Variants in IL1RAPL1 observed in about 807,000 individuals in gnomAD.
IL1RAPL1 encodes the protein interleukin 1 receptor accessory protein like 1, also known as interleukin-1 receptor accessory protein-like 1.
A neutral mutation model predicts 48.4 loss-of-function variants in IL1RAPL1; 3 were observed. The ratio of observed to expected loss-of-function variants is 0.06; its 90% CI spans 0.03 to 0.16. IL1RAPL1 has a LOEUF of 0.16. Among genes scored for constraint, IL1RAPL1 ranks in the 10% least tolerant of loss-of-function variants. The pLI, the probability that IL1RAPL1 is intolerant of heterozygous loss-of-function variation, is 1.00. For synonymous variants in IL1RAPL1, 185 were observed against 187.7 expected (o/e 0.99, Z 0.12); for missense variants, 349 against 530.6 (o/e 0.66, Z 3.36).
At chrX:28,763,155 T>A (rs917611873) in intron 1 of IL1RAPL1, among the ~76,000 whole-genome samples, 3 of 111,206 alleles carry the variant, frequency 2.7e-5, no homozygotes. Context: ...AGCAGTTATG[T>A]GGCCAGGGGC....
At chrX:28,653,567 A>T (rs1934713112) in intron 1 of IL1RAPL1, among the ~76,000 whole-genome samples, 2 of 111,646 alleles carry the variant, frequency 1.8e-5, no homozygotes, top group African/African-American at 3.3e-5. Flanking sequence ...AGGCTGAGAT[A>T]TATGTATGTA....
intron 6 of IL1RAPL1, among the ~76,000 whole-genome samples, chrX:29,805,442 T>G (rs1055589293): frequency 2.7e-5 from 3 of 109,979 alleles, no homozygotes; most frequent in Admixed American, 1.9e-4. Context: ...CACTCCAGTT[T>G]GGAATCTGTC....
chrX:29,396,627 AAT>A (rs1405047004), intron 4 of IL1RAPL1, among the ~76,000 whole-genome samples, 183 bp downstream of exon 4: 1 of 112,223 alleles, frequency 8.9e-6, no homozygotes, highest in African/African-American at 3.2e-5. Flanking sequence ...AATTCTAGTC[AAT>A]GTTTGTATTG....
intron 3 of IL1RAPL1, among the ~76,000 whole-genome samples, chrX:29,306,530 G>GAAA (rs1166748708): frequency 5.1e-4 from 17 of 33,438 alleles, no homozygotes; most frequent in East Asian, 1.7e-3. Context: ...TCTGTCAAAA[G>GAAA]AAAAAAAAAA....
chrX:29,080,231 T>G (rs1927770761), intron 2 of IL1RAPL1, among the ~76,000 whole-genome samples: 1 of 108,642 alleles, frequency 9.2e-6, no homozygotes, highest in African/African-American at 3.4e-5. Context: ...TACAAAAAAT[T>G]AGTTGACCGT....
At chrX:29,835,440 A>G (rs900113032) in intron 6 of IL1RAPL1, among the ~76,000 whole-genome samples, 28 of 111,685 alleles carry the variant, frequency 2.5e-4, no homozygotes, top group South Asian at 1.1e-3. Flanking sequence ...TTTTGCACCT[A>G]TGTTTCTTGA....
rs770130223 is a variant in IL1RAPL1, at chrX:29,712,291, T to TA, written c.778+43795dup. 5.7e-4 allele frequency among the ~76,000 whole-genome samples: 63 copies of TA among 110,038 alleles called. 2 individuals are homozygous for TA. In the South Asian group the frequency reaches 0.022, roughly 38 times the overall value. ...ATCAGAAAATTTTCACTCAAATGAA[T>TA]AAAAAAAAGAATGACAATGAATTGA... On this transcript the variant is annotated intron_variant, in intron 6 of 10. Coordinates refer to ENST00000378993, the MANE Select transcript of IL1RAPL1 (RefSeq NM_014271.4).
intron 2 of IL1RAPL1, among the ~76,000 whole-genome samples, chrX:29,145,902 C>G (rs889628567): frequency 8.9e-6 from 1 of 111,996 alleles, no homozygotes; most frequent in Non-Finnish European, 1.9e-5. Context: ...CCAACGCTAG[C>G]ATCCTGGTCA....
At chrX:28,647,373 C>T (rs1934625155) in intron 1 of IL1RAPL1, among the ~76,000 whole-genome samples, 1 of 111,473 alleles carries the variant, frequency 9.0e-6, no homozygotes, top group Admixed American at 9.6e-5. Context: ...CAGGTGTTTC[C>T]TCATGGGTCT....
At chrX:29,692,885 T>C (rs918809799) in intron 6 of IL1RAPL1, among the ~76,000 whole-genome samples, 2 of 112,034 alleles carry the variant, frequency 1.8e-5, no homozygotes, top group African/African-American at 6.5e-5. Flanking sequence ...TTCTGCTGAG[T>C]TGAGAAATTT....
intron 5 of IL1RAPL1, among the ~76,000 whole-genome samples, chrX:29,549,871 A>G (rs1437006413): frequency 8.9e-6 from 1 of 111,997 alleles, no homozygotes; most frequent in Non-Finnish European, 1.9e-5. Flanking sequence ...TTGAAACCCC[A>G]TATTTCAGCT....
chrX:29,762,479 A>G (rs1928775286), intron 6 of IL1RAPL1, among the ~76,000 whole-genome samples: 1 of 112,275 alleles, frequency 8.9e-6, no homozygotes, highest in Admixed American at 9.5e-5. Context: ...TTCAAGAAGC[A>G]TATTTGAAGA....
At chrX:29,650,758 G>C (rs1190810786) in intron 5 of IL1RAPL1, among the ~76,000 whole-genome samples, 1 of 108,594 alleles carries the variant, frequency 9.2e-6, no homozygotes, top group African/African-American at 3.3e-5. Flanking sequence ...GGCAACAAGA[G>C]CAAAAAAAAT....
intron 2 of IL1RAPL1, among the ~76,000 whole-genome samples, chrX:28,947,924 C>T (rs924123920): frequency 5.4e-5 from 6 of 111,252 alleles, no homozygotes; most frequent in African/African-American, 1.6e-4. Context: ...ATGGAAAAAT[C>T]GTGTAGAAGG....
Position 28,621,301 on chromosome X carries a change from A to G in IL1RAPL1, c.-25+33254A>G, listed in dbSNP as rs751397157. 8.9e-5 allele frequency among the ~76,000 whole-genome samples: 10 copies of G among 112,251 alleles called. No homozygotes were observed. In the East Asian group the frequency reaches 2.8e-3, roughly 32 times the overall value. On this transcript the variant is annotated intron_variant, in intron 1 of 10. Transcript: ENST00000378993. The stretch of plus-strand genomic sequence containing the variant: ...TACATAGATAATTGCTGAATGAATG[A>G]TTGAATATTTGACTTTTCATGTCTG...
At chrX:28,865,884 G>T (rs1331010661) in intron 2 of IL1RAPL1, among the ~76,000 whole-genome samples, 1 of 111,861 alleles carries the variant, frequency 8.9e-6, no homozygotes, top group Non-Finnish European at 1.9e-5. Flanking sequence ...TTGCTCATTG[G>T]ATTTGGCAAG....
chrX:29,338,289 A>G (rs934922205), intron 3 of IL1RAPL1, among the ~76,000 whole-genome samples: 13 of 111,602 alleles, frequency 1.2e-4, no homozygotes, highest in African/African-American at 3.9e-4. Context: ...ACACACGCAC[A>G]TTGCTGAGCC....
At chrX:29,387,036 A>C (rs1263993781) in intron 3 of IL1RAPL1, among the ~76,000 whole-genome samples, 1 of 112,431 alleles carries the variant, frequency 8.9e-6, no homozygotes, top group Non-Finnish European at 1.9e-5. Context: ...GCATATACAT[A>C]GAATGAAATT....
At chrX:28,768,726 T>A in intron 1 of IL1RAPL1, among the ~76,000 whole-genome samples, 1 of 72,803 alleles carries the variant, frequency 1.4e-5, no homozygotes, top group African/African-American at 5.8e-5. Context: ...TCTCTCTCTC[T>A]CTGTCTCTCT....
Sources: gnomAD v4.1 joint callset for allele counts (sites outside exome capture counted in the v4.1 genomes callset) on GRCh38, gnomAD v4.1.1 for gene constraint, MANE v1.5 for transcripts, NCBI Gene and HGNC (gene_info 2026-07-23, HGNC 2026-07-21) for gene names.